ATP2B4: variants seen among roughly 807,000 people sequenced by gnomAD.
ATP2B4 encodes the protein ATPase plasma membrane Ca2+ transporting 4.
In ATP2B4, 39 loss-of-function variants were observed where a neutral mutation model predicts 110.3. The observed-to-expected ratio is 0.35, with a 90% CI of 0.27 to 0.46. The LOEUF (loss-of-function observed/expected upper bound fraction) is 0.46, where lower values mean the gene tolerates loss of function less well. Among genes scored for constraint, ATP2B4 ranks in the 20% least tolerant of loss-of-function variants. ATP2B4 has a pLI of 1.00. For missense variants in ATP2B4, 1,135 were observed against 1,530.9 expected (o/e 0.74, Z 4.32); for synonymous variants, 538 against 571.7 (o/e 0.94, Z 0.84).
chr1:203,671,522 T>C (rs983631102), intron 1 of ATP2B4, among the ~76,000 whole-genome samples: 3 of 152,194 alleles, frequency 2.0e-5, no homozygotes, highest in Non-Finnish European at 2.9e-5. Flanking sequence ...ATTTTATTTT[T>C]GGTTGAGGGA....
At chr1:203,711,922 C>A (rs1558046329) in intron 12 of ATP2B4, 38 bp from the exon 13 acceptor site, 1 of 1,601,638 alleles carries the variant, frequency 6.2e-7, no homozygotes, top group Non-Finnish European at 8.5e-7. Flanking sequence ...GGGTCATCAC[C>A]CTCATCTGCG....
chr1:203,660,674 C>T lies in ATP2B4; in HGVS notation c.-464-22068C>T, dbSNP rs189621808. 2.8e-3 allele frequency among the ~76,000 whole-genome samples: 420 copies of T among 152,152 alleles called. 1 individual carries two copies. The highest frequency in any genetic ancestry group is 8.6e-3 in the African/African-American group (358 of 41,488). The stretch of plus-strand genomic sequence containing the variant: ...AATTAGCTGGGCATGGTGTGAGCAC[C>T]TGTAATCCCAGCTACTTGGGAGGCT... On this transcript the variant is annotated intron_variant, in intron 1 of 20. Transcript: ENST00000357681.
intron 13 of ATP2B4, among the ~76,000 whole-genome samples, chr1:203,712,909 G>A (rs1256716114): frequency 6.6e-6 from 1 of 152,088 alleles, no homozygotes; most frequent in Non-Finnish European, 1.5e-5. Flanking sequence ...TTAAAGGTCT[G>A]GGAAATGGGG....
At chr1:203,653,930 C>T (rs1392465934) in intron 1 of ATP2B4, among the ~76,000 whole-genome samples, 5 of 149,734 alleles carry the variant, frequency 3.3e-5, no homozygotes, top group Non-Finnish European at 7.4e-5. Context: ...GCTTGGATGA[C>T]AGCTCATCTA....
intron 1 of ATP2B4, among the ~76,000 whole-genome samples, chr1:203,672,855 G>T (rs1362536312): frequency 2.0e-5 from 3 of 152,148 alleles, no homozygotes. Flanking sequence ...CTCACGAGGT[G>T]GCTTGTTTTA....
chr1:203,692,735 C>A (rs781738828), intron 2 of ATP2B4, among the ~76,000 whole-genome samples: 1 of 152,212 alleles, frequency 6.6e-6, no homozygotes. Context: ...GTCGTTGGCC[C>A]TTCCCTGCTG....
chr1:203,670,877 C>G (rs547255307), intron 1 of ATP2B4, among the ~76,000 whole-genome samples: 2 of 152,188 alleles, frequency 1.3e-5, no homozygotes, highest in Non-Finnish European at 2.9e-5. Context: ...CTCTCCTCCC[C>G]GTGGGGAGTG....
chr1:203,667,467 T>C (rs1393340910), intron 1 of ATP2B4, among the ~76,000 whole-genome samples: 1 of 152,264 alleles, frequency 6.6e-6, no homozygotes, highest in African/African-American at 2.4e-5. Flanking sequence ...TGCTCTTTTC[T>C]TCTTTCCTCT....
intron 1 of ATP2B4, among the ~76,000 whole-genome samples, chr1:203,633,773 A>G (rs1243427337): frequency 6.6e-6 from 1 of 152,024 alleles, no homozygotes; most frequent in Non-Finnish European, 1.5e-5. Flanking sequence ...AAAATCTAGT[A>G]GTAATGACAA....
rs746626408 is a variant in ATP2B4, at chr1:203,727,366, G to A, written c.3133-29G>A. 1.1e-4 allele frequency: 174 copies of A among 1,611,734 alleles called. 2 individuals are homozygous for A. The highest frequency in any genetic ancestry group is 1.7e-4 in the Middle Eastern group (1 of 6,052). Reference sequence around the variant, plus strand: ...CAGCTCTTCTCACGCTGATTCTGACGTCTTCCTCTTCGCTGCGCTTGTTTT... The same window carrying A: ...CAGCTCTTCTCACGCTGATTCTGACATCTTCCTCTTCGCTGCGCTTGTTTT... On this transcript the variant is annotated intron_variant, in intron 19 of 20. Transcript: ENST00000357681.
chr1:203,672,324 CTTTTT>C (rs57144862), intron 1 of ATP2B4, among the ~76,000 whole-genome samples: 95 of 79,592 alleles, frequency 1.2e-3, no homozygotes, highest in African/African-American at 2.5e-3. Flanking sequence ...TGCGGTGGCT[CTTTTT>C]TTTTTTTTTT....
At chr1:203,722,973 G>C (rs1419811624) in intron 18 of ATP2B4, among the ~76,000 whole-genome samples, 1 of 152,034 alleles carries the variant, frequency 6.6e-6, no homozygotes, top group Non-Finnish European at 1.5e-5. Context: ...AAATTTCACA[G>C]AATGACCAAA....
chr1:203,723,420 A>ATATATCTCTC (rs1553251094), intron 18 of ATP2B4, among the ~76,000 whole-genome samples: 40 of 44,576 alleles, frequency 9.0e-4, no homozygotes, highest in African/African-American at 3.7e-3. Flanking sequence ...TGAGACAGAT[A>ATATATCTCTC]TCTCTCTCTC....
At chr1:203,656,769 C>T (rs1664176027) in intron 1 of ATP2B4, among the ~76,000 whole-genome samples, 1 of 152,088 alleles carries the variant, frequency 6.6e-6, no homozygotes, top group Non-Finnish European at 1.5e-5. Flanking sequence ...TGCTTTTTTT[C>T]AATCATTCAA....
chr1:203,702,542 C>T (rs1336637956), intron 7 of ATP2B4, among the ~76,000 whole-genome samples: 1 of 152,188 alleles, frequency 6.6e-6, no homozygotes, highest in Non-Finnish European at 1.5e-5. Context: ...TGCTGGTCTT[C>T]TCAGGGGTGC....
At chr1:203,675,610 G>A (rs1015177895) in intron 1 of ATP2B4, among the ~76,000 whole-genome samples, 1 of 152,128 alleles carries the variant, frequency 6.6e-6, no homozygotes, top group Non-Finnish European at 1.5e-5. Context: ...GGGGCTACGA[G>A]TGACACGTTT....
intron 14 of ATP2B4, 22 bp downstream of exon 14, chr1:203,713,274 G>A (rs1000322589): frequency 9.9e-6 from 16 of 1,613,646 alleles, no homozygotes; most frequent in Non-Finnish European, 1.4e-5. Context: ...TTCCAAATAG[G>A]TGCCTGCAAC....
chr1:203,675,626 G>A (rs997887066), intron 1 of ATP2B4, among the ~76,000 whole-genome samples: 19 of 152,120 alleles, frequency 1.2e-4, no homozygotes, highest in African/African-American at 3.4e-4. Flanking sequence ...CGTTTTCTCC[G>A]ATTAGATGCT....
In ATP2B4 at chr1:203,674,660, T is replaced by G. The variant is rs1358844454; in HGVS notation, c.-464-8082T>G. On this transcript the variant is annotated intron_variant, in intron 1 of 20. Coordinates refer to ENST00000357681, the MANE Select transcript of ATP2B4 (RefSeq NM_001684.5). Reference sequence around the variant, plus strand: ...GGCTTTTTTTTTTTTTTTTTTTTTTTTTTTTTTTTTTTCTGAGATGGGGTC... The same window carrying G: ...GGCTTTTTTTTTTTTTTTTTTTTTTGTTTTTTTTTTTTCTGAGATGGGGTC... 1.2e-4 allele frequency among the ~76,000 whole-genome samples: 15 copies of G among 125,194 alleles called. 1 individual carries two copies. The highest frequency in any genetic ancestry group is 2.5e-4 in the Admixed American group (3 of 12,236). 82.1% of individuals were successfully genotyped at this position (125,194 alleles called of 152,430 possible).
Sources: allele counts gnomAD v4.1 joint callset (sites outside exome capture counted in the v4.1 genomes callset), GRCh38; gene constraint gnomAD v4.1.1; transcripts MANE v1.5; gene names NCBI Gene and HGNC (gene_info 2026-07-23, HGNC 2026-07-21).